Variants in FRMD4A observed in about 807,000 individuals in gnomAD.
The protein encoded by FRMD4A is FERM domain containing 4A, also known as FERM domain-containing protein 4A.
FRMD4A carries 29 observed loss-of-function variants against 129.1 expected under a neutral mutation model. The ratio of observed to expected loss-of-function variants is 0.22; its 90% CI spans 0.17 to 0.31. The LOEUF (loss-of-function observed/expected upper bound fraction) is 0.31. FRMD4A is among the 10% of genes least tolerant of loss of function. FRMD4A has a pLI of 1.00. For synonymous variants in FRMD4A, 634 were observed against 571.6 expected, an observed-to-expected ratio of 1.11 and a Z score of -1.56; for missense variants, 1,272 against 1,375.8, an observed-to-expected ratio of 0.92 and a Z score of 1.19.
At chr10:14,158,437 C>T (rs543968983) in intron 2 of FRMD4A, among the ~76,000 whole-genome samples, 31 of 152,080 alleles carry the variant, frequency 2.0e-4, no homozygotes, top group Middle Eastern at 6.8e-3. Flanking sequence ...ACAGCAAGAC[C>T]CCACCTCTAC....
At chr10:13,967,075 C>T (rs1040135718) in intron 2 of FRMD4A, among the ~76,000 whole-genome samples, 2 of 152,212 alleles carry the variant, frequency 1.3e-5, no homozygotes, top group African/African-American at 2.4e-5. Context: ...CGGTGGCTCA[C>T]GCCTGTAATC....
chr10:14,002,198 T>A (rs748655488), intron 2 of FRMD4A, among the ~76,000 whole-genome samples: 1 of 152,180 alleles, frequency 6.6e-6, no homozygotes, highest in Non-Finnish European at 1.5e-5. Flanking sequence ...CCTAAAGTAT[T>A]GGAATAATTG....
chr10:13,889,702 G>C (rs566159976), intron 2 of FRMD4A, among the ~76,000 whole-genome samples: 1 of 152,182 alleles, frequency 6.6e-6, no homozygotes, highest in Non-Finnish European at 1.5e-5. Flanking sequence ...AGAGGGTGGA[G>C]AGATTTTCTG....
chr10:13,842,311 C>T (rs1032282204), intron 3 of FRMD4A, among the ~76,000 whole-genome samples: 9 of 152,148 alleles, frequency 5.9e-5, no homozygotes, highest in African/African-American at 1.7e-4. Flanking sequence ...TCCCTTTTGT[C>T]TCAAATAAAT....
chr10:14,187,043 C>T (rs1384079338), intron 2 of FRMD4A, among the ~76,000 whole-genome samples: 1 of 151,416 alleles, frequency 6.6e-6, no homozygotes, highest in Admixed American at 6.6e-5. Context: ...TGCCTGAGCC[C>T]AGGAGTTTGG....
At chr10:14,270,228 C>T (rs1035126207) in intron 2 of FRMD4A, among the ~76,000 whole-genome samples, 2 of 152,216 alleles carry the variant, frequency 1.3e-5, no homozygotes, top group African/African-American at 4.8e-5. Context: ...GACAGCCCAT[C>T]ATGGGACTTC....
intron 2 of FRMD4A, among the ~76,000 whole-genome samples, chr10:14,232,638 G>A (rs761859630): frequency 7.2e-5 from 11 of 152,110 alleles, no homozygotes; most frequent in Non-Finnish European, 1.3e-4. Context: ...AGATCTTTCA[G>A]CCTCCCTGGT....
intron 2 of FRMD4A, among the ~76,000 whole-genome samples, chr10:14,324,395 T>C (rs753862924): frequency 6.6e-6 from 1 of 152,180 alleles, no homozygotes. Context: ...AGGGACTTTT[T>C]GACAATTATC....
At chr10:14,282,777 C>G (rs997447202) in intron 2 of FRMD4A, among the ~76,000 whole-genome samples, 4 of 152,186 alleles carry the variant, frequency 2.6e-5, no homozygotes, top group African/African-American at 9.7e-5. Context: ...TTTGATTGAT[C>G]ATTTAGCTGT....
At chr10:13,832,092 G>T (rs7905831) in intron 3 of FRMD4A, among the ~76,000 whole-genome samples, 64,482 of 151,970 alleles carry the variant, frequency 0.42, 14,026 homozygotes, top group Middle Eastern at 0.58. Flanking sequence ...GGTGGGCTCT[G>T]ATGATCAATT....
chr10:13,890,627 T>A (rs1544021), intron 2 of FRMD4A: 1 of 985,236 alleles, frequency 1.0e-6, no homozygotes, highest in African/African-American at 1.7e-5. Flanking sequence ...CTTTCATCAC[T>A]ATCTGTGAGG....
intron 2 of FRMD4A, among the ~76,000 whole-genome samples, chr10:14,153,650 C>T (rs1840451410): frequency 6.6e-6 from 1 of 152,120 alleles, no homozygotes; most frequent in African/African-American, 2.4e-5. Context: ...AAAAGGAAAC[C>T]GAGCTTAGGA....
chr10:13,705,609 G>A (rs1176450299), intron 13 of FRMD4A, among the ~76,000 whole-genome samples: 1 of 152,070 alleles, frequency 6.6e-6, no homozygotes, highest in Non-Finnish European at 1.5e-5. Flanking sequence ...GTCCAATTCA[G>A]TTCACCTGGA....
intron 13 of FRMD4A, among the ~76,000 whole-genome samples, chr10:13,705,846 T>G (rs2087372282): frequency 6.6e-6 from 1 of 152,212 alleles, no homozygotes; most frequent in African/African-American, 2.4e-5. Context: ...CCACTAACTA[T>G]TCCTGTAGTA....
At chr10:14,127,998 CTCTTTCTT>C (rs1330039110) in intron 2 of FRMD4A, among the ~76,000 whole-genome samples, 1,078 of 99,706 alleles carry the variant, frequency 0.011, 68 homozygotes, top group South Asian at 0.019. Flanking sequence ...CTCTCTCTCT[CTCTTTCTT>C]TCTTTCTTCC....
intron 2 of FRMD4A, among the ~76,000 whole-genome samples, chr10:14,223,882 C>T (rs576236510): frequency 2.0e-5 from 3 of 152,076 alleles, no homozygotes; most frequent in Non-Finnish European, 4.4e-5. Flanking sequence ...CCCATGGGCA[C>T]CTGTGGGATA....
At chr10:13,654,769 C>G (rs2081994389) in intron 22 of FRMD4A, 8 of 515,402 alleles carry the variant, frequency 1.6e-5, no homozygotes, top group Non-Finnish European at 2.7e-5. Context: ...CATTCTGAGT[C>G]AAGCTGACCT....
intron 3 of FRMD4A, among the ~76,000 whole-genome samples, chr10:13,838,639 T>C (rs2093914285): frequency 6.6e-6 from 1 of 152,138 alleles, no homozygotes; most frequent in Non-Finnish European, 1.5e-5. Flanking sequence ...ATTACAGGCA[T>C]GTGCCACCAC....
chr10:13,967,647 C>T (rs1588611468), intron 2 of FRMD4A, among the ~76,000 whole-genome samples: 1 of 152,218 alleles, frequency 6.6e-6, no homozygotes, highest in South Asian at 2.1e-4. Context: ...TCCTCATGGT[C>T]GTCTTGTCAA....
Sources: allele counts gnomAD v4.1 joint callset (sites outside exome capture counted in the v4.1 genomes callset), GRCh38; gene constraint gnomAD v4.1.1; transcripts MANE v1.5; gene names NCBI Gene and HGNC (gene_info 2026-07-23, HGNC 2026-07-21).